The following NXPH1 variants were observed in gnomAD, a reference collection of about 807,000 sequenced individuals.
The protein encoded by NXPH1 is neurexophilin 1, also known as neurexophilin-1.
Under a neutral mutation model 23.7 loss-of-function variants are expected in NXPH1, and 5 were observed. The observed-to-expected ratio is 0.21, with a 90% CI of 0.11 to 0.44. The LOEUF is 0.44. Among genes scored for constraint, NXPH1 ranks in the 20% least tolerant of loss-of-function variants. The probability of loss-of-function intolerance (pLI) is 0.99; values close to 1 mark genes in which losing one functional copy is unlikely to be tolerated. For synonymous variants in NXPH1, 144 were observed against 122.2 expected, an observed-to-expected ratio of 1.18 and a Z score of -1.18; for missense variants, 324 against 321.6, an observed-to-expected ratio of 1.01 and a Z score of -0.06.
intron 2 of NXPH1, among the ~76,000 whole-genome samples, chr7:8,734,202 C>A (rs1780206029): frequency 6.6e-6 from 1 of 152,110 alleles, no homozygotes; most frequent in Admixed American, 6.5e-5. Flanking sequence ...GGCATTATTT[C>A]TCAGGCCTCT....
chr7:8,618,414 T>G (rs1196483270), intron 2 of NXPH1, among the ~76,000 whole-genome samples: 1 of 152,190 alleles, frequency 6.6e-6, no homozygotes, highest in African/African-American at 2.4e-5. Context: ...AACACTGTGC[T>G]AAGAAAATCT....
intron 2 of NXPH1, among the ~76,000 whole-genome samples, chr7:8,636,398 CA>C (rs1273039421): frequency 6.6e-6 from 1 of 152,136 alleles, no homozygotes; most frequent in Non-Finnish European, 1.5e-5. Flanking sequence ...GCAGAATTTC[CA>C]GTAATGCCTC....
intron 2 of NXPH1, among the ~76,000 whole-genome samples, chr7:8,605,426 G>T (rs1819463481): frequency 1.3e-5 from 2 of 152,108 alleles, no homozygotes; most frequent in African/African-American, 4.8e-5. Flanking sequence ...AATCAAAACG[G>T]TGATGGATAT....
At chr7:8,595,910 A>C (rs1206479217) in intron 2 of NXPH1, among the ~76,000 whole-genome samples, 1 of 152,060 alleles carries the variant, frequency 6.6e-6, no homozygotes, top group Non-Finnish European at 1.5e-5. Context: ...GGTTATTATA[A>C]GGACAGATAA....
At chr7:8,735,201 G>A (rs1477044254) in intron 2 of NXPH1, among the ~76,000 whole-genome samples, 12 of 152,062 alleles carry the variant, frequency 7.9e-5, no homozygotes. Flanking sequence ...GGTGAGTGAG[G>A]GCATCCTTGT....
At chr7:8,546,950 C>T (rs1332748955) in intron 2 of NXPH1, among the ~76,000 whole-genome samples, 2 of 151,452 alleles carry the variant, frequency 1.3e-5, no homozygotes, top group African/African-American at 4.8e-5. Context: ...AATTTTCATA[C>T]TGTGAGATGA....
At chr7:8,637,319 C>T (rs1243075964) in intron 2 of NXPH1, among the ~76,000 whole-genome samples, 1 of 151,808 alleles carries the variant, frequency 6.6e-6, no homozygotes, top group South Asian at 2.1e-4. Flanking sequence ...ACCTCCTGGG[C>T]ACAAGTGATT....
chr7:8,464,725 G>C lies in NXPH1; in HGVS notation c.54+28958G>C, dbSNP rs528248203. Among the ~76,000 whole-genome samples the C allele has an allele frequency of 5.3e-5, 8 of 151,950 alleles. No individual in the cohort carries two copies. The East Asian group carries it at 1.6e-3, about 30-fold the overall frequency. Reference sequence around the variant, plus strand: ...TTCTACAGAGTTTAGTGGAGTGAGAGGCACAGAGCAAATGTGTAATGCGTG... The same window carrying C: ...TTCTACAGAGTTTAGTGGAGTGAGACGCACAGAGCAAATGTGTAATGCGTG... On this transcript the variant is annotated intron_variant, in intron 2 of 2. Coordinates refer to ENST00000405863, the MANE Select transcript of NXPH1 (RefSeq NM_152745.3).
intron 2 of NXPH1, among the ~76,000 whole-genome samples, chr7:8,652,503 A>C (rs529011024): frequency 1.3e-5 from 2 of 152,304 alleles, no homozygotes; most frequent in African/African-American, 4.8e-5. Flanking sequence ...TACATGATAT[A>C]ACAAATTTTA....
intron 2 of NXPH1, among the ~76,000 whole-genome samples, chr7:8,507,544 A>G (rs1163961811): frequency 6.6e-6 from 1 of 152,140 alleles, no homozygotes; most frequent in Non-Finnish European, 1.5e-5. Context: ...CACTTATAAC[A>G]TGAATCCTTC....
chr7:8,569,571 A>G (rs188613724), intron 2 of NXPH1, among the ~76,000 whole-genome samples: 1 of 152,020 alleles, frequency 6.6e-6, no homozygotes, highest in African/African-American at 2.4e-5. Flanking sequence ...GGAGGGCAGG[A>G]GCAGTCATGA....
At chr7:8,617,305 A>G (rs1228112592) in intron 2 of NXPH1, among the ~76,000 whole-genome samples, 2 of 152,050 alleles carry the variant, frequency 1.3e-5, no homozygotes, top group Non-Finnish European at 2.9e-5. Flanking sequence ...GAAAGTGGGT[A>G]TTTCCTATAA....
chr7:8,506,027 G>A (rs1238295204), intron 2 of NXPH1, among the ~76,000 whole-genome samples: 1 of 152,076 alleles, frequency 6.6e-6, no homozygotes, highest in Non-Finnish European at 1.5e-5. Context: ...TTTACCAAAA[G>A]CATTCAAGAG....
chr7:8,721,499 T>G (rs182470185), intron 2 of NXPH1, among the ~76,000 whole-genome samples: 1 of 152,286 alleles, frequency 6.6e-6, no homozygotes, highest in East Asian at 1.9e-4. Flanking sequence ...TAAAAATGCA[T>G]TTCTTGTGGC....
intron 2 of NXPH1, among the ~76,000 whole-genome samples, chr7:8,741,706 T>C (rs746746518): frequency 6.6e-6 from 1 of 152,152 alleles, no homozygotes; most frequent in Admixed American, 6.5e-5. Flanking sequence ...GCAGGTACTT[T>C]GGGTATTATC....
chr7:8,501,647 A>C (rs537569273), intron 2 of NXPH1, among the ~76,000 whole-genome samples: 27 of 152,094 alleles, frequency 1.8e-4, no homozygotes, highest in Non-Finnish European at 3.2e-4. Context: ...ATAAATTAAG[A>C]CTGGGAATGG....
intron 2 of NXPH1, among the ~76,000 whole-genome samples, chr7:8,512,633 C>A (rs2128614231): frequency 6.6e-6 from 1 of 152,220 alleles, no homozygotes; most frequent in South Asian, 2.1e-4. Context: ...CACATTTCTT[C>A]ATACTATAAA....
intron 2 of NXPH1, among the ~76,000 whole-genome samples, chr7:8,539,905 A>T (rs892561407): frequency 3.3e-5 from 5 of 151,838 alleles, no homozygotes. Flanking sequence ...AAATATTTTC[A>T]TTAGTGACTT....
chr7:8,514,892 C>T (rs1389261946), intron 2 of NXPH1, among the ~76,000 whole-genome samples: 2 of 152,110 alleles, frequency 1.3e-5, no homozygotes. Context: ...ATTTACTTTA[C>T]TGTCTTAGTT....
Sources: gnomAD v4.1 joint callset for allele counts (sites outside exome capture counted in the v4.1 genomes callset) on GRCh38, gnomAD v4.1.1 for gene constraint, MANE v1.5 for transcripts, NCBI Gene and HGNC (gene_info 2026-07-23, HGNC 2026-07-21) for gene names.